The following ST6GALNAC5 variants were observed in gnomAD, a reference collection of about 807,000 sequenced individuals.
The protein encoded by ST6GALNAC5 is ST6 N-acetylgalactosaminide alpha-2,6-sialyltransferase 5, also known as alpha-N-acetylgalactosaminide alpha-2,6-sialyltransferase 5.
Under a neutral mutation model 33.6 loss-of-function variants are expected in ST6GALNAC5, and 27 were observed. That is an observed-to-expected ratio of 0.80 (90% CI 0.59 to 1.11). ST6GALNAC5 has a LOEUF of 1.11. Among genes scored for constraint, ST6GALNAC5 ranks in the 50% least tolerant of loss-of-function variants. ST6GALNAC5 has a pLI of 0.00. For missense variants in ST6GALNAC5, 428 were observed against 454.0 expected, an observed-to-expected ratio of 0.94 and a Z score of 0.52; for synonymous variants, 194 against 171.2, an observed-to-expected ratio of 1.13 and a Z score of -1.04.
intron 2 of ST6GALNAC5, among the ~76,000 whole-genome samples, chr1:76,877,290 A>G (rs1244877059): frequency 6.6e-6 from 1 of 152,156 alleles, no homozygotes; most frequent in Non-Finnish European, 1.5e-5. Context: ...CTCAAGCACC[A>G]TTGGATCTGC....
chr1:77,050,323 A>G lies in ST6GALNAC5; in HGVS notation c.737A>G (p.Asp246Gly). Residue 246 changes from aspartate (D) to glycine (G), a missense_variant, in exon 4 of 5, where the codon GAC becomes GGC. Transcript: ENST00000477717. ...FTMTIALELC[D>G]RINVYGMVPP... Reference sequence around the variant, plus strand: ...ATGACAATTGCACTGGAGCTCTGTGACAGGATCAATGTTTATGGCATGGTG... The same window carrying G: ...ATGACAATTGCACTGGAGCTCTGTGGCAGGATCAATGTTTATGGCATGGTG... 1.2e-6 allele frequency: 2 copies of G among 1,614,118 alleles called. No homozygotes were observed. The highest frequency in any genetic ancestry group is 1.6e-4 in the Middle Eastern group (1 of 6,062).
intron 2 of ST6GALNAC5, among the ~76,000 whole-genome samples, chr1:76,935,836 C>T (rs140201486): frequency 0.013 from 2,027 of 152,160 alleles, 48 homozygotes; most frequent in African/African-American, 0.046. Flanking sequence ...AAAGTCCAGA[C>T]ACTTTCTAGC....
At chr1:76,975,925 T>C (rs530336922) in intron 2 of ST6GALNAC5, among the ~76,000 whole-genome samples, 1 of 152,108 alleles carries the variant, frequency 6.6e-6, no homozygotes, top group South Asian at 2.1e-4. Context: ...TGAAACCCCA[T>C]CTCTACTAAA....
intron 2 of ST6GALNAC5, among the ~76,000 whole-genome samples, chr1:76,998,711 A>G (rs974757339): frequency 6.6e-5 from 10 of 152,192 alleles, no homozygotes; most frequent in Non-Finnish European, 1.0e-4. Flanking sequence ...CTGAACCATC[A>G]TTGAGTAATC....
chr1:76,937,088 C>G (rs1355250855), intron 2 of ST6GALNAC5, among the ~76,000 whole-genome samples: 1 of 151,600 alleles, frequency 6.6e-6, no homozygotes, highest in African/African-American at 2.4e-5. Context: ...TCATCTACCT[C>G]TCAAGAGAGT....
In ST6GALNAC5 at chr1:76,909,098, C is replaced by T. The variant is rs115343929; in HGVS notation, c.261+40356C>T. Among the ~76,000 whole-genome samples the T allele has an allele frequency of 3.7e-3, 559 of 152,184 alleles. 1 individual carries two copies. The highest frequency in any genetic ancestry group is 6.1e-3 in the Non-Finnish European group (415 of 68,006). On this transcript the variant is annotated intron_variant, in intron 2 of 4. Transcript: ENST00000477717. ...GTAAAAACTCTTCAGGCCCTTCTCT[C>T]GGCACTTTTCATTTTATGTTGAAAT...
intron 2 of ST6GALNAC5, among the ~76,000 whole-genome samples, chr1:77,043,607 A>G (rs1475289398): frequency 6.6e-6 from 1 of 152,246 alleles, no homozygotes; most frequent in African/African-American, 2.4e-5. Flanking sequence ...TACAATCAGC[A>G]TGTCATTTCC....
At chr1:76,920,520 G>C (rs866888312) in intron 2 of ST6GALNAC5, among the ~76,000 whole-genome samples, 17 of 152,032 alleles carry the variant, frequency 1.1e-4, no homozygotes, top group African/African-American at 2.9e-4. Context: ...ACTAAAAATG[G>C]CCAGTACCCC....
intron 2 of ST6GALNAC5, among the ~76,000 whole-genome samples, chr1:76,919,262 C>T (rs530809922): frequency 2.6e-5 from 4 of 152,202 alleles, no homozygotes; most frequent in African/African-American, 9.6e-5. Flanking sequence ...CAGACAGTGC[C>T]TCCCGTCTTG....
chr1:76,907,468 T>C (rs1003522440), intron 2 of ST6GALNAC5, among the ~76,000 whole-genome samples: 20 of 152,250 alleles, frequency 1.3e-4, no homozygotes, highest in Non-Finnish European at 1.5e-5. Context: ...AGGCCTCTTT[T>C]TGTGAAGTAA....
intron 2 of ST6GALNAC5, among the ~76,000 whole-genome samples, chr1:76,965,115 A>G (rs888778309): frequency 6.6e-5 from 10 of 152,186 alleles, no homozygotes. Context: ...TCCTTTGGGT[A>G]TATACCCAGT....
intron 2 of ST6GALNAC5, among the ~76,000 whole-genome samples, chr1:77,020,083 A>G (rs1485362499): frequency 1.3e-5 from 2 of 152,224 alleles, no homozygotes; most frequent in East Asian, 3.8e-4. Context: ...CTGATGACAA[A>G]GAAAACTAAT....
rs1318269286 is a variant in ST6GALNAC5 at position 76,868,349 on chromosome 1, T to G, written c.16-148T>G. On this transcript the variant is annotated intron_variant, in intron 1 of 4. Transcript: ENST00000477717. The surrounding 1 kb of genome is among the most constrained non-coding windows in gnomAD (Gnocchi z 4.3). ...ATACGCTAGGGGACGGTGCTTTCTC[T>G]GTCCCAGTTGCGTGCGGCGGGGCTG... 2 of 1,240,590 alleles carry G rather than the reference T, an allele frequency of 1.6e-6. No individual in the cohort carries two copies. Among genetic ancestry groups the G allele is most frequent in the Non-Finnish European group, 2.2e-6 (2 of 925,040 alleles). 76.8% of individuals were successfully genotyped at this position (1,240,590 alleles called of 1,614,324 possible). A position where few individuals can be genotyped will look rare whatever the true frequency, so the allele number is the denominator to read the frequency against.
rs560138725 is a variant in ST6GALNAC5 at position 76,965,512 on chromosome 1, T to C, written c.262-78692T>C. ...TTTGTAGATTCTAGATATTAGCCCT[T>C]TATCAGATGGGTAGATTGCAAAAAT... is the stretch of plus-strand genomic sequence containing the variant. On this transcript the variant is annotated intron_variant, in intron 2 of 4. Coordinates refer to ENST00000477717, the MANE Select transcript of ST6GALNAC5 (RefSeq NM_030965.3). Among the ~76,000 whole-genome samples, 9 of 152,330 alleles carry C rather than the reference T, an allele frequency of 5.9e-5. 1 individual carries two copies. The highest frequency in any genetic ancestry group is 2.2e-4 in the African/African-American group (9 of 41,582).
chr1:77,033,108 T>C (rs1651518951), intron 2 of ST6GALNAC5, among the ~76,000 whole-genome samples: 1 of 152,202 alleles, frequency 6.6e-6, no homozygotes, highest in Non-Finnish European at 1.5e-5. Flanking sequence ...CAGGGAGTTA[T>C]TTGAAGGCAC....
chr1:76,926,381 A>T (rs1242648607), intron 2 of ST6GALNAC5, among the ~76,000 whole-genome samples: 2 of 152,100 alleles, frequency 1.3e-5, no homozygotes, highest in African/African-American at 4.8e-5. Flanking sequence ...TCATCTCTTT[A>T]TTCATACCTA....
At chr1:76,899,568 C>T (rs987217256) in intron 2 of ST6GALNAC5, among the ~76,000 whole-genome samples, 1 of 152,182 alleles carries the variant, frequency 6.6e-6, no homozygotes, top group Non-Finnish European at 1.5e-5. Context: ...CGTGGTCTGA[C>T]ACCACTGAAA....
intron 2 of ST6GALNAC5, among the ~76,000 whole-genome samples, chr1:76,950,454 C>G (rs1647698985): frequency 6.6e-6 from 1 of 152,050 alleles, no homozygotes. Flanking sequence ...ACATACAGCT[C>G]AGTTGTTCCA....
intron 2 of ST6GALNAC5, among the ~76,000 whole-genome samples, chr1:76,895,403 G>A (rs1451447591): frequency 2.0e-5 from 3 of 152,106 alleles, no homozygotes; most frequent in African/African-American, 7.2e-5. Context: ...GGAAGATTTT[G>A]TGGTAAGGGG....
Sources: gnomAD v4.1 joint callset for allele counts (sites outside exome capture counted in the v4.1 genomes callset) on GRCh38, gnomAD v4.1.1 for gene constraint, Gnocchi (gnomAD v3.1) non-coding constraint, MANE v1.5 for transcripts, NCBI Gene and HGNC (gene_info 2026-07-23, HGNC 2026-07-21) for gene names.